Variants in NOP58 observed in about 807,000 individuals in gnomAD.
NOP58 encodes the protein NOP58 ribonucleoprotein.
NOP58 carries 44 observed loss-of-function variants against 71.2 expected under a neutral mutation model. The ratio of observed to expected loss-of-function variants is 0.62; its 90% CI spans 0.49 to 0.79. The LOEUF is 0.79. Among genes scored for constraint, NOP58 ranks in the 30% least tolerant of loss-of-function variants. The pLI is 0.00. For synonymous variants in NOP58, 228 were observed against 200.3 expected (o/e 1.14, Z -1.17); for missense variants, 538 against 620.2 (o/e 0.87, Z 1.41).
At chr2:202,302,074 T>C (rs1332955483) in intron 13 of NOP58, among the ~76,000 whole-genome samples, 1 of 141,512 alleles carries the variant, frequency 7.1e-6, no homozygotes, top group Admixed American at 7.3e-5. Context: ...TTCTTTTTCT[T>C]TTTTTTTTCT....
intron 2 of NOP58, chr2:202,276,340 CAAAAAA>C: frequency 5.7e-6 from 1 of 175,626 alleles, no homozygotes; most frequent in Non-Finnish European, 1.3e-5. Context: ...ACCCTGTCTC[CAAAAAA>C]AAAAAAAAAG....
intron 3 of NOP58, among the ~76,000 whole-genome samples, chr2:202,281,797 G>A (rs544235160): frequency 6.6e-6 from 1 of 152,306 alleles, no homozygotes; most frequent in Admixed American, 6.5e-5. Context: ...ATATAAAGCA[G>A]CTGATTTAGA....
rs141825030 is a variant in NOP58, at chr2:202,275,258, C to A, written c.122+69C>A. 1.4e-4 allele frequency: 107 copies of A among 790,276 alleles called. No individual in the cohort carries two copies. In the African/African-American group the frequency reaches 1.8e-3, roughly 13 times the overall value. The allele number at this position is 790,276 out of a possible 1,614,324, so 49.0% of individuals were successfully genotyped here. A position where few individuals can be genotyped will look rare whatever the true frequency, so the allele number is the denominator to read the frequency against. On this transcript the variant is annotated intron_variant, in intron 2 of 14. Transcript: ENST00000264279. ...GCTTGTTTTATTTTTTACATTTTTCCCTGATTTATATAATGTTACATTCGT... is the reference window on the plus strand; with the variant it reads ...GCTTGTTTTATTTTTTACATTTTTCACTGATTTATATAATGTTACATTCGT...
At chr2:202,266,010 A>C (rs762189050) in intron 1 of NOP58, 24 bp downstream of exon 1, 2 of 1,613,670 alleles carry the variant, frequency 1.2e-6, no homozygotes, top group Non-Finnish European at 1.7e-6. Context: ...CGAGCCGTTA[A>C]AGGGGGAAGG....
intron 11 of NOP58, 66 bp downstream of exon 11, chr2:202,297,579 T>C: frequency 1.3e-6 from 2 of 1,485,934 alleles, no homozygotes; most frequent in Non-Finnish European, 1.8e-6. Flanking sequence ...TGAGTAAATT[T>C]ATTAACTTCA....
intron 1 of NOP58, among the ~76,000 whole-genome samples, chr2:202,272,191 G>A (rs1304022915): frequency 8.1e-6 from 1 of 123,324 alleles, no homozygotes; most frequent in Non-Finnish European, 1.6e-5. Context: ...TCTTGCTGTC[G>A]CCCAGGCTGG....
chr2:202,287,712 G>C lies in NOP58; in HGVS notation c.487G>C (p.Val163Leu), dbSNP rs1688816819. ...FSADKVDTMI[V>L]QAISLLDDLD... ...CGCTGATAAAGTAGACACAATGATT[G>C]TTCAGGCAATTTGTAAGTATAGTAC... Residue 163 changes from valine (V) to leucine (L), a missense_variant, in exon 6 of 15, where the codon GTT becomes CTT. Val to Leu is a conservative substitution (Grantham distance 32, BLOSUM62 1). Coordinates refer to ENST00000264279, the MANE Select transcript of NOP58 (RefSeq NM_015934.5). 6.2e-7 allele frequency: 1 copy of C among 1,611,628 alleles called. No homozygotes were observed. Among genetic ancestry groups the C allele is most frequent in the East Asian group, 2.2e-5 (1 of 44,850 alleles).
rs1396537533 is a variant in NOP58 at position 202,287,151 on chromosome 2, C to A, written c.435-509C>A. On this transcript the variant is annotated intron_variant, in intron 5 of 14. Transcript: ENST00000264279. ...GGCACGTGATCTCGGCTCACTGCAA[C>A]CTCTGCCTCCCCGGTTCAAGCGATT... 2.0e-5 allele frequency among the ~76,000 whole-genome samples: 3 copies of A among 149,028 alleles called. No individual in the cohort carries two copies. In the Admixed American group the frequency reaches 2.0e-4, roughly 10 times the overall value.
chr2:202,285,570 G>A (rs1483160370), intron 5 of NOP58, among the ~76,000 whole-genome samples: 1 of 151,808 alleles, frequency 6.6e-6, no homozygotes, highest in Non-Finnish European at 1.5e-5. Flanking sequence ...GGAACTCCCA[G>A]GCTCAAGTGA....
In NOP58 at chr2:202,292,773, C is replaced by G; in HGVS notation, c.781-4C>G. 6.2e-7 allele frequency: 1 copy of G among 1,606,726 alleles called. No individual in the cohort carries two copies. The highest frequency in any genetic ancestry group is 8.5e-7 in the Non-Finnish European group (1 of 1,173,294). ...TTGTGACTTAACTTTATTCCTTATA[C>G]TAGGTGATTGAAATCTCTGAATATC... On this transcript the variant is annotated splice_region_variant and splice_polypyrimidine_tract_variant and intron_variant, in intron 8 of 14. Transcript: ENST00000264279.
chr2:202,297,582 TA>T, intron 11 of NOP58, 69 bp downstream of exon 11: 1 of 1,457,906 alleles, frequency 6.9e-7, no homozygotes. Flanking sequence ...GTAAATTTAT[TA>T]ACTTCATCTG....
intron 12 of NOP58, 112 bp downstream of exon 12, chr2:202,298,018 A>G (rs1689022889): frequency 1.5e-6 from 1 of 666,042 alleles, no homozygotes; most frequent in Admixed American, 3.6e-5. Context: ...TTTCAAATTT[A>G]TTTATTTGAC....
intron 1 of NOP58, among the ~76,000 whole-genome samples, chr2:202,273,869 G>T (rs1413921480): frequency 6.6e-6 from 1 of 151,904 alleles, no homozygotes; most frequent in Non-Finnish European, 1.5e-5. Flanking sequence ...CTTGAACCCG[G>T]GAGGCGGAGG....
At chr2:202,279,338 A>G (rs1485665741) in intron 3 of NOP58, among the ~76,000 whole-genome samples, 1 of 152,216 alleles carries the variant, frequency 6.6e-6, no homozygotes. Context: ...TAATATATTG[A>G]GCACATACTG....
intron 8 of NOP58, among the ~76,000 whole-genome samples, chr2:202,292,405 C>G (rs1490325472): frequency 6.6e-6 from 1 of 151,808 alleles, no homozygotes; most frequent in African/African-American, 2.4e-5. Context: ...TTATAGAAAA[C>G]TGATGTTAGG....
intron 5 of NOP58, among the ~76,000 whole-genome samples, chr2:202,284,913 A>T (rs1688764622): frequency 2.6e-5 from 4 of 152,148 alleles, no homozygotes; most frequent in Non-Finnish European, 5.9e-5. Flanking sequence ...ATTTTTAATA[A>T]GGCAAAGAGG....
chr2:202,276,011 T>G (rs1309793703), intron 2 of NOP58, among the ~76,000 whole-genome samples: 1 of 152,154 alleles, frequency 6.6e-6, no homozygotes, highest in Non-Finnish European at 1.5e-5. Flanking sequence ...ACCACACTAG[T>G]ATGTTCCCTT....
At chr2:202,276,565 C>A in intron 2 of NOP58, 1 of 447,864 alleles carries the variant, frequency 2.2e-6, no homozygotes, top group Non-Finnish European at 4.7e-6. Flanking sequence ...TGAGGCTGGG[C>A]GTGATGGCTC....
At chr2:202,272,444 G>A (rs545253699) in intron 1 of NOP58, among the ~76,000 whole-genome samples, 13 of 152,166 alleles carry the variant, frequency 8.5e-5, no homozygotes, top group African/African-American at 2.9e-4. Context: ...ATGAGCCACC[G>A]TGCCCAGCCT....
Sources: gnomAD v4.1 joint callset for allele counts (sites outside exome capture counted in the v4.1 genomes callset) on GRCh38, gnomAD v4.1.1 for gene constraint, MANE v1.5 for transcripts, NCBI Gene and HGNC (gene_info 2026-07-23, HGNC 2026-07-21) for gene names.